TFEC: variants seen among roughly 807,000 people sequenced by gnomAD.
The protein encoded by TFEC is class E basic helix-loop-helix protein 34.
Under a neutral mutation model 41.6 loss-of-function variants are expected in TFEC, and 31 were observed. That is an observed-to-expected ratio of 0.74 (90% CI 0.56 to 1.01). The LOEUF (loss-of-function observed/expected upper bound fraction) is 1.01, where lower values mean the gene tolerates loss of function less well. TFEC is among the 50% of genes least tolerant of loss of function. The pLI is 0.00. For synonymous variants in TFEC, 143 were observed against 140.6 expected, an observed-to-expected ratio of 1.02 and a Z score of -0.12; for missense variants, 402 against 404.1, an observed-to-expected ratio of 0.99 and a Z score of 0.04.
chr7:116,139,738 G>A (rs1798502542), intron 1 of TFEC, among the ~76,000 whole-genome samples: 2 of 152,190 alleles, frequency 1.3e-5, no homozygotes, highest in South Asian at 2.1e-4. Flanking sequence ...AGAAGAGAGG[G>A]AGTTTGAGAT....
chr7:116,116,501 G>C (rs985753969), intron 1 of TFEC, among the ~76,000 whole-genome samples: 1 of 151,892 alleles, frequency 6.6e-6, no homozygotes, highest in Non-Finnish European at 1.5e-5. Context: ...TAAGCTTTCA[G>C]TAAGTTGAAA....
intron 3 of TFEC, among the ~76,000 whole-genome samples, chr7:116,085,100 GCAGAAGGAA>G (rs2131069540): frequency 6.6e-6 from 1 of 151,928 alleles, no homozygotes; most frequent in East Asian, 1.9e-4. Context: ...AAAGAGCAGG[GCAGAAGGAA>G]CAGCATATGC....
chr7:116,114,395 A>G (rs1172171415), intron 1 of TFEC, among the ~76,000 whole-genome samples: 3 of 109,610 alleles, frequency 2.7e-5, no homozygotes, highest in African/African-American at 1.0e-4. Flanking sequence ...AACAAAAATA[A>G]AACAAAATAA....
intron 1 of TFEC, among the ~76,000 whole-genome samples, chr7:116,005,955 C>T (rs1219189786): frequency 6.6e-5 from 10 of 152,212 alleles, no homozygotes; most frequent in Non-Finnish European, 1.2e-4. Context: ...CTTCAGAGGG[C>T]GGAAGCCCCA....
intron 1 of TFEC, among the ~76,000 whole-genome samples, chr7:116,154,252 G>A (rs1223443201): frequency 6.6e-6 from 1 of 152,082 alleles, no homozygotes; most frequent in Non-Finnish European, 1.5e-5. Flanking sequence ...TCCAGGCTTA[G>A]AGAAAAAAGA....
At chr7:116,158,555 C>G (rs2116504218) in intron 1 of TFEC, among the ~76,000 whole-genome samples, 1 of 152,094 alleles carries the variant, frequency 6.6e-6, no homozygotes, top group East Asian at 1.9e-4. Flanking sequence ...TCTCAAAATT[C>G]TGGCACAATT....
intron 1 of TFEC, among the ~76,000 whole-genome samples, chr7:116,005,814 T>A (rs988395247): frequency 7.2e-5 from 11 of 152,164 alleles, no homozygotes; most frequent in African/African-American, 2.7e-4. Context: ...CTCAGAGGTT[T>A]CTGAGGAAAA....
Position 115,938,745 on chromosome 7 carries a change from C to T in TFEC, c.*1806G>A, listed in dbSNP as rs1793348095. ...GCTTAATATTCATGAAAGATTACAT[C>T]TCACTCATTAGTAATATATATTTTA... On this transcript the variant is annotated 3_prime_UTR_variant, in exon 8 of 8. Coordinates refer to ENST00000265440, the MANE Select transcript of TFEC (RefSeq NM_012252.4). 6.6e-6 allele frequency: 1 copy of T among 151,886 alleles called. No individual in the cohort carries two copies. Among genetic ancestry groups the T allele is most frequent in the Non-Finnish European group, 1.5e-5 (1 of 67,924 alleles). 9.4% of individuals were successfully genotyped at this position (151,886 alleles called of 1,614,324 possible).
chr7:116,065,894 T>C (rs188072525), intron 3 of TFEC, among the ~76,000 whole-genome samples: 1 of 152,264 alleles, frequency 6.6e-6, no homozygotes, highest in East Asian at 1.9e-4. Context: ...TAGATCTCAC[T>C]GGAGCTACAT....
intron 1 of TFEC, among the ~76,000 whole-genome samples, chr7:116,153,286 C>T (rs975375162): frequency 2.0e-5 from 3 of 152,042 alleles, no homozygotes; most frequent in Admixed American, 1.3e-4. Context: ...GACAGAGTCT[C>T]GTTCTGTTGC....
At chr7:116,098,235 C>G (rs1349381535) in intron 3 of TFEC, among the ~76,000 whole-genome samples, 1 of 152,076 alleles carries the variant, frequency 6.6e-6, no homozygotes, top group Non-Finnish European at 1.5e-5. Context: ...TCTCGGCTCA[C>G]TGCAACCTCC....
chr7:116,015,571 T>C (rs1795158413), intron 1 of TFEC, among the ~76,000 whole-genome samples: 2 of 151,126 alleles, frequency 1.3e-5, no homozygotes. Flanking sequence ...GGCAATAATA[T>C]AAAGGGGGAG....
At chr7:115,969,744 A>T (rs992208332) in intron 3 of TFEC, among the ~76,000 whole-genome samples, 2 of 152,002 alleles carry the variant, frequency 1.3e-5, no homozygotes, top group Non-Finnish European at 2.9e-5. Context: ...AACAAAATGT[A>T]GCAGGAAAGC....
At chr7:116,157,379 AT>A (rs1350632003) in intron 1 of TFEC, 2 of 149,526 alleles carry the variant, frequency 1.3e-5, no homozygotes, top group African/African-American at 2.5e-5. Context: ...TCCAAAAAAA[AT>A]AAATAAGTAA....
chr7:115,954,621 G>A lies in TFEC; in HGVS notation c.404C>T (p.Ala135Val). ...GTTGTCCTTTTTTTGTCTCTCTTTT[G>A]CTAAAGCTCTAGTGTCAGTTTCTGA... is the stretch of plus-strand genomic sequence containing the variant. The part of the protein sequence containing the change: ...EITETDTRAL[A>V]KERQKKDNHN... Residue 135 changes from alanine to valine, a missense_variant, in exon 5 of 8, where the codon GCA becomes GTA. Physicochemically the swap from Ala to Val is moderately conservative, Grantham distance 64. Transcript: ENST00000265440. 6.2e-7 allele frequency: 1 copy of A among 1,611,356 alleles called. No individual in the cohort carries two copies. The highest frequency in any genetic ancestry group is 2.2e-5 in the East Asian group (1 of 44,724).
chr7:116,143,436 G>T (rs1798580372), intron 1 of TFEC, among the ~76,000 whole-genome samples: 1 of 152,134 alleles, frequency 6.6e-6, no homozygotes, highest in South Asian at 2.1e-4. Flanking sequence ...CCAAGCAGAG[G>T]ATATGAGGGT....
intron 1 of TFEC, among the ~76,000 whole-genome samples, chr7:116,014,022 C>T (rs1795099757): frequency 6.6e-6 from 1 of 152,036 alleles, no homozygotes; most frequent in Non-Finnish European, 1.5e-5. Flanking sequence ...ACTTTAGTCC[C>T]TAGATTATGT....
rs148385734 is a variant in TFEC, at chr7:115,955,088, C to A, written c.383-446G>T. 2.3e-3 allele frequency among the ~76,000 whole-genome samples: 347 copies of A among 152,090 alleles called. 1 individual carries two copies. Among genetic ancestry groups the A allele is most frequent in the African/African-American group, 7.8e-3 (322 of 41,524 alleles). On this transcript the variant is annotated intron_variant, in intron 4 of 7. Coordinates refer to ENST00000265440, the MANE Select transcript of TFEC (RefSeq NM_012252.4). Reference sequence around the variant, plus strand: ...ATTTTATTAGTAATTATTATTTCTACATCCCAAGAGTTGCAACTCACTATA... The same window carrying A: ...ATTTTATTAGTAATTATTATTTCTAAATCCCAAGAGTTGCAACTCACTATA...
In TFEC at chr7:116,086,083, T is replaced by C. The variant is rs1797197752; in HGVS notation, c.198+24625A>G. 5.3e-5 allele frequency among the ~76,000 whole-genome samples: 8 copies of C among 151,962 alleles called. No homozygotes were observed. The South Asian group carries it at 1.5e-3, about 28-fold the overall frequency. On this transcript the variant is annotated intron_variant, in intron 3 of 8. Coordinates refer to the TFEC transcript ENST00000484212. ...TTTTTAATTTAATTTCTTTCACACA[T>C]GATTTATTGAGATATTAAGCTACTT...
Sources: allele counts gnomAD v4.1 joint callset (sites outside exome capture counted in the v4.1 genomes callset), GRCh38; gene constraint gnomAD v4.1.1; transcripts MANE v1.5; gene names NCBI Gene and HGNC (gene_info 2026-07-23, HGNC 2026-07-21).